Variants in PRKG1 observed in about 807,000 individuals in gnomAD.
PRKG1 encodes protein kinase cGMP-dependent 1.
Under a neutral mutation model 88.1 loss-of-function variants are expected in PRKG1, and 35 were observed. The ratio of observed to expected loss-of-function variants is 0.40; its 90% confidence interval spans 0.30 to 0.53. PRKG1 has a LOEUF of 0.53. Ranked by LOEUF, PRKG1 falls within the 20% of genes least tolerant of loss-of-function variation. The pLI is 0.59. For synonymous variants in PRKG1, 303 were observed against 292.5 expected, an observed-to-expected ratio of 1.04 and a Z score of -0.37; for missense variants, 540 against 839.8, an observed-to-expected ratio of 0.64 and a Z score of 4.41.
chr10:51,698,433 G>A lies in PRKG1; in HGVS notation c.593-106152G>A, dbSNP rs373436302. 20 of 1,614,106 alleles carry A rather than the reference G, an allele frequency of 1.2e-5. No homozygotes were observed. Among genetic ancestry groups the A allele is most frequent in the Non-Finnish European group, 1.5e-5 (18 of 1,180,022 alleles). Reference sequence around the variant, plus strand: ...CTCATCTCATGTGAGGAAGGGCCACGAGTGTCATGACCAGAGGCATGATGC... The same window carrying A: ...CTCATCTCATGTGAGGAAGGGCCACAAGTGTCATGACCAGAGGCATGATGC... On this transcript the variant is annotated intron_variant, in intron 3 of 17. Coordinates refer to ENST00000373980, the MANE Select transcript of PRKG1 (RefSeq NM_006258.4).
chr10:51,662,095 G>A (rs1289776916), intron 3 of PRKG1, among the ~76,000 whole-genome samples: 1 of 152,122 alleles, frequency 6.6e-6, no homozygotes, highest in Non-Finnish European at 1.5e-5. Flanking sequence ...GGGAATAGGG[G>A]AGGGATAGCA....
At chr10:52,111,860 C>T (rs1279839346) in intron 7 of PRKG1, among the ~76,000 whole-genome samples, 1 of 152,286 alleles carries the variant, frequency 6.6e-6, no homozygotes, top group East Asian at 1.9e-4. Context: ...TTCCTAAGTG[C>T]TCTTCCCATA....
At chr10:52,114,423 G>C (rs1847639640) in intron 7 of PRKG1, among the ~76,000 whole-genome samples, 1 of 151,940 alleles carries the variant, frequency 6.6e-6, no homozygotes, top group South Asian at 2.1e-4. Context: ...ATCACATATG[G>C]TCTGTCACAT....
chr10:51,533,548 C>T (rs1249550404), intron 3 of PRKG1, among the ~76,000 whole-genome samples: 1 of 150,088 alleles, frequency 6.7e-6, no homozygotes, highest in Admixed American at 6.6e-5. Flanking sequence ...ATTGTGCTGA[C>T]AGCTTGAAAT....
At chr10:51,685,041 G>A (rs975607326) in intron 3 of PRKG1, among the ~76,000 whole-genome samples, 3 of 152,110 alleles carry the variant, frequency 2.0e-5, no homozygotes, top group African/African-American at 4.8e-5. Context: ...GCAAAAGATT[G>A]ATTTCATAAA....
intron 3 of PRKG1, among the ~76,000 whole-genome samples, chr10:51,710,566 T>C (rs552151539): frequency 6.6e-6 from 1 of 152,224 alleles, no homozygotes; most frequent in Non-Finnish European, 1.5e-5. Flanking sequence ...GCCAGGCCAT[T>C]GATTCATTGA....
intron 4 of PRKG1, among the ~76,000 whole-genome samples, chr10:51,890,047 A>G (rs1014286637): frequency 2.0e-5 from 3 of 152,096 alleles, no homozygotes; most frequent in Non-Finnish European, 4.4e-5. Context: ...TGCTGTGCAG[A>G]AGCTCTTTAG....
At chr10:51,080,436 C>CG (rs1844077925) in intron 1 of PRKG1, among the ~76,000 whole-genome samples, 1 of 126,874 alleles carries the variant, frequency 7.9e-6, no homozygotes, top group African/African-American at 4.1e-5. Flanking sequence ...CATATGGACA[C>CG]ATTTTTTTTT....
intron 1 of PRKG1, among the ~76,000 whole-genome samples, chr10:51,028,534 A>G (rs1457211384): frequency 6.6e-6 from 1 of 151,864 alleles, no homozygotes; most frequent in Non-Finnish European, 1.5e-5. Context: ...AAATTACAAT[A>G]ATCTGCCTAA....
chr10:52,128,752 T>C (rs1239767416), intron 7 of PRKG1, among the ~76,000 whole-genome samples: 1 of 152,208 alleles, frequency 6.6e-6, no homozygotes, highest in African/African-American at 2.4e-5. Context: ...GTAGCTACTT[T>C]TGCAGTAGTG....
chr10:52,254,278 T>G (rs1019404699), intron 10 of PRKG1, among the ~76,000 whole-genome samples: 1 of 151,986 alleles, frequency 6.6e-6, no homozygotes. Flanking sequence ...GAATGACGCA[T>G]GCAAGATAAT....
chr10:51,659,925 A>C (rs935264520), intron 3 of PRKG1, among the ~76,000 whole-genome samples: 11 of 152,066 alleles, frequency 7.2e-5, no homozygotes, highest in African/African-American at 2.7e-4. Flanking sequence ...AGAAGCAAAA[A>C]TAAGCAGTAT....
At chr10:51,907,374 GC>G in intron 4 of PRKG1, 132 bp from the exon 5 acceptor site, 1 of 641,748 alleles carries the variant, frequency 1.6e-6, no homozygotes, top group Non-Finnish European at 2.5e-6. Context: ...TGTGGCTAAT[GC>G]ATTTTTTTTT....
chr10:51,730,586 C>A (rs1243638700), intron 3 of PRKG1, among the ~76,000 whole-genome samples: 3 of 152,078 alleles, frequency 2.0e-5, no homozygotes, highest in Non-Finnish European at 4.4e-5. Flanking sequence ...AAACTAGTGG[C>A]TTTCAAGTTT....
At chr10:52,105,320 A>T (rs1398985920) in intron 7 of PRKG1, among the ~76,000 whole-genome samples, 1 of 152,214 alleles carries the variant, frequency 6.6e-6, no homozygotes, top group Non-Finnish European at 1.5e-5. Flanking sequence ...TCGCTGGATT[A>T]CTTGCGTTTT....
chr10:52,134,001 T>A, intron 8 of PRKG1, 96 bp downstream of exon 8: 1 of 895,226 alleles, frequency 1.1e-6, no homozygotes, highest in Non-Finnish European at 1.7e-6. Context: ...CTATTAATAC[T>A]TGTTTTATAT....
chr10:52,046,614 A>G (rs999974053), intron 5 of PRKG1: 1 of 152,182 alleles, frequency 6.6e-6, no homozygotes, highest in Non-Finnish European at 1.5e-5. Flanking sequence ...AGAAAAGAAC[A>G]TGGCATAGGG....
chr10:51,517,816 G>C (rs1564531683), intron 3 of PRKG1, among the ~76,000 whole-genome samples: 1 of 152,168 alleles, frequency 6.6e-6, no homozygotes, highest in Admixed American at 6.5e-5. Flanking sequence ...CATCCAGAAG[G>C]CTGTTAGAGA....
At chr10:52,261,800 G>A (rs1386012103) in intron 10 of PRKG1, among the ~76,000 whole-genome samples, 1 of 152,080 alleles carries the variant, frequency 6.6e-6, no homozygotes, top group Non-Finnish European at 1.5e-5. Context: ...AATAGAATTA[G>A]TATTTTTTGT....
Sources: gnomAD v4.1 joint callset for allele counts (sites outside exome capture counted in the v4.1 genomes callset) on GRCh38, gnomAD v4.1.1 for gene constraint, MANE v1.5 for transcripts, NCBI Gene and HGNC (gene_info 2026-07-23, HGNC 2026-07-21) for gene names.